MMS22L: variants seen among roughly 807,000 people sequenced by gnomAD.
MMS22L encodes MMS22 like, DNA repair protein, also known as protein MMS22-like.
In MMS22L, 74 loss-of-function variants were observed where a neutral mutation model predicts 159.1. The observed-to-expected ratio is 0.47, with a 90% CI of 0.39 to 0.56. MMS22L has a LOEUF of 0.56. MMS22L is among the 20% of genes least tolerant of loss of function. MMS22L has a pLI of 0.00. For synonymous variants in MMS22L, 517 were observed against 506.9 expected (o/e 1.02, Z -0.27); for missense variants, 1,351 against 1,422.1 (o/e 0.95, Z 0.80).
At position 97,142,643 on chromosome 6, in the gene MMS22L, G is replaced by GAA. The variant is rs1652200657; in HGVS notation, c.*4162_*4163insTT. 6.6e-6 allele frequency: 1 copy of GAA among 152,102 alleles called. No individual in the cohort carries two copies. The highest frequency in any genetic ancestry group is 1.5e-5 in the Non-Finnish European group (1 of 67,964). 9.4% of individuals were successfully genotyped at this position (152,102 alleles called of 1,614,324 possible). ...GGTTTCTGTATCTATTTACCTTTTA[G>GAA]ACATGGGGAGACATGAGTGCTATGA... On this transcript the variant is annotated 3_prime_UTR_variant, in exon 25 of 25. Transcript: ENST00000683635.
Position 97,229,195 on chromosome 6 carries a change from T to A in MMS22L, c.1738A>T (p.Met580Leu). ...ATGTCCAGATTTTTCTGGGCATACATCAAGAGGAAGGCCATGTGACCCTTC... is the reference window on the plus strand; with the variant it reads ...ATGTCCAGATTTTTCTGGGCATACAACAAGAGGAAGGCCATGTGACCCTTC... Reference protein sequence around the residue: ...IWKGHMAFLLMYAQKNLDIGV... With the variant: ...IWKGHMAFLLLYAQKNLDIGV... Residue 580 changes from methionine (M) to leucine (L), a missense_variant, in exon 14 of 25, where the codon ATG becomes TTG. Transcript: ENST00000683635. 2 of 1,614,072 alleles carry A rather than the reference T, an allele frequency of 1.2e-6. No homozygotes were observed. Among genetic ancestry groups the A allele is most frequent in the Non-Finnish European group, 1.7e-6 (2 of 1,180,008 alleles).
chr6:97,217,566 AATT>A (rs1809158235), intron 14 of MMS22L, among the ~76,000 whole-genome samples: 2 of 152,262 alleles, frequency 1.3e-5, no homozygotes, highest in South Asian at 4.1e-4. Flanking sequence ...AATAAAATCT[AATT>A]ATAAAGCTTC....
At chr6:97,225,860 C>T (rs1810192240) in intron 14 of MMS22L, among the ~76,000 whole-genome samples, 1 of 152,142 alleles carries the variant, frequency 6.6e-6, no homozygotes, top group African/African-American at 2.4e-5. Flanking sequence ...CATAAGCCAC[C>T]ACGCCCAGCC....
chr6:97,252,409 C>T (rs1047496119), intron 10 of MMS22L, among the ~76,000 whole-genome samples: 1 of 143,952 alleles, frequency 6.9e-6, no homozygotes, highest in Admixed American at 7.0e-5. Context: ...GGCAGATTAA[C>T]TGAGGTAGGC....
chr6:97,188,252 CT>C (rs1466069392), intron 14 of MMS22L, among the ~76,000 whole-genome samples: 1 of 152,120 alleles, frequency 6.6e-6, no homozygotes, highest in African/African-American at 2.4e-5. Flanking sequence ...CCCTTTATAG[CT>C]TTTTCAAAGT....
Position 97,246,691 on chromosome 6 carries a change from C to A in MMS22L, c.1120-1G>T. Reference sequence around the variant, plus strand: ...AGTTCCAATTTGATTCCACTTTTCTCTAGAAAGGGAGAAAATAGTGCATCA... The same window carrying A: ...AGTTCCAATTTGATTCCACTTTTCTATAGAAAGGGAGAAAATAGTGCATCA... On this transcript the variant is annotated splice_acceptor_variant, in intron 10 of 24. Coordinates refer to ENST00000683635, the MANE Select transcript of MMS22L (RefSeq NM_001350599.2). LOFTEE classifies it high-confidence loss of function. The A allele has an allele frequency of 6.4e-7, 1 of 1,567,598 alleles. No individual in the cohort carries two copies. The highest frequency in any genetic ancestry group is 1.1e-5 in the South Asian group (1 of 88,780).
chr6:97,233,770 A>G (rs891489748), intron 12 of MMS22L, 91 bp downstream of exon 12: 14 of 1,376,264 alleles, frequency 1.0e-5, no homozygotes, highest in Non-Finnish European at 1.2e-5. Context: ...AGAAAAATCC[A>G]TAACTATTCA....
chr6:97,232,590 T>G (rs988311021), intron 12 of MMS22L, among the ~76,000 whole-genome samples: 1 of 152,092 alleles, frequency 6.6e-6, no homozygotes, highest in African/African-American at 2.4e-5. Flanking sequence ...TTCCTTCAGG[T>G]TGGCTCCTGT....
intron 4 of MMS22L, among the ~76,000 whole-genome samples, chr6:97,276,918 T>A (rs949799288): frequency 1.2e-4 from 18 of 152,234 alleles, no homozygotes; most frequent in African/African-American, 4.1e-4. Context: ...ATCAGCAGCA[T>A]ATTTTTCCTC....
At chr6:97,253,249 C>A (rs1046511853) in intron 10 of MMS22L, among the ~76,000 whole-genome samples, 2 of 152,112 alleles carry the variant, frequency 1.3e-5, no homozygotes, top group Admixed American at 6.5e-5. Context: ...TATATTAATA[C>A]TAACTAACCC....
intron 6 of MMS22L, chr6:97,270,875 T>C (rs1815661977): frequency 6.6e-6 from 1 of 152,108 alleles, no homozygotes; most frequent in African/African-American, 2.4e-5. Flanking sequence ...TCACTGCATG[T>C]TTAAAAATAA....
intron 4 of MMS22L, among the ~76,000 whole-genome samples, chr6:97,273,487 G>A (rs1157124853): frequency 2.0e-5 from 3 of 152,090 alleles, no homozygotes; most frequent in Non-Finnish European, 4.4e-5. Context: ...GATCTCATCA[G>A]TTCCTTTATT....
intron 9 of MMS22L, chr6:97,259,424 G>A (rs1025940522): frequency 2.3e-4 from 35 of 152,060 alleles, no homozygotes; most frequent in African/African-American, 8.2e-4. Flanking sequence ...AATATGGGTG[G>A]GTGCCATCCA....
At chr6:97,252,663 T>G (rs1033585286) in intron 10 of MMS22L, among the ~76,000 whole-genome samples, 1 of 147,964 alleles carries the variant, frequency 6.8e-6, no homozygotes, top group Non-Finnish European at 1.5e-5. Context: ...AAAAAAAAAG[T>G]AGTACAATCT....
chr6:97,179,429 T>C lies in MMS22L; in HGVS notation c.2515A>G (p.Lys839Glu), dbSNP rs1489010757. 4 of 1,612,420 alleles carry C rather than the reference T, an allele frequency of 2.5e-6. No homozygotes were observed. The highest frequency in any genetic ancestry group is 3.4e-6 in the Non-Finnish European group (4 of 1,179,342). ...TTACCAACTGCCTCTTCCAGATTTT[T>C]ATCTATGAGCAAATCATCAGGCCCA... ...LSGPDDLLID[K>E]NLEEAVEKEY... The change falls in exon 17 of 25, where the codon AAA becomes GAA. Residue 839 changes from lysine (K) to glutamate (E), a missense_variant. Physicochemically the swap from Lys to Glu is moderately conservative, Grantham distance 56. Transcript: ENST00000683635.
chr6:97,156,158 G>A (rs758764724), intron 22 of MMS22L, among the ~76,000 whole-genome samples: 8 of 152,162 alleles, frequency 5.3e-5, no homozygotes, highest in South Asian at 2.1e-4. Context: ...CATATCCTTC[G>A]CCCATTTTTT....
intron 18 of MMS22L, among the ~76,000 whole-genome samples, chr6:97,174,269 A>T (rs13214462): frequency 4.6e-5 from 7 of 151,268 alleles, no homozygotes; most frequent in East Asian, 1.9e-4. Context: ...ATAAAAAAAA[A>T]AAAAAAATAA....
At chr6:97,235,044 C>T (rs570290689) in intron 11 of MMS22L, among the ~76,000 whole-genome samples, 2 of 152,208 alleles carry the variant, frequency 1.3e-5, no homozygotes, top group African/African-American at 4.8e-5. Flanking sequence ...AGAGTAAGCA[C>T]AGAAGTGACA....
chr6:97,255,094 T>C (rs2128058762), intron 9 of MMS22L, among the ~76,000 whole-genome samples: 1 of 152,246 alleles, frequency 6.6e-6, no homozygotes, highest in South Asian at 2.1e-4. Flanking sequence ...AGCGGCTTGT[T>C]TCTAATTCTT....
Sources: allele counts gnomAD v4.1 joint callset (sites outside exome capture counted in the v4.1 genomes callset), GRCh38; gene constraint gnomAD v4.1.1; transcripts MANE v1.5; gene names NCBI Gene and HGNC (gene_info 2026-07-23, HGNC 2026-07-21).